KAT14: variants seen among roughly 807,000 people sequenced by gnomAD.
KAT14 encodes lysine acetyltransferase 14.
In KAT14, 66 loss-of-function variants were observed where a neutral mutation model predicts 78.4. That is an observed-to-expected ratio of 0.84 (90% confidence interval 0.69 to 1.03). KAT14 has a LOEUF of 1.03. Ranked by LOEUF, KAT14 falls within the 50% of genes least tolerant of loss-of-function variation. The probability of loss-of-function intolerance (pLI) is 0.00; values close to 1 mark genes in which losing one functional copy is unlikely to be tolerated. For missense variants in KAT14, 870 were observed against 972.5 expected (o/e 0.89, Z 1.40); for synonymous variants, 344 against 359.4 (o/e 0.96, Z 0.48).
intron 3 of KAT14, among the ~76,000 whole-genome samples, chr20:18,147,243 GAA>G (rs1243236443): frequency 6.6e-6 from 1 of 152,092 alleles, no homozygotes; most frequent in Non-Finnish European, 1.5e-5. Context: ...TGACTTGCCT[GAA>G]AAAAATGTAA....
chr20:18,156,821 G>A (rs895140467), intron 4 of KAT14, among the ~76,000 whole-genome samples: 1 of 152,144 alleles, frequency 6.6e-6, no homozygotes, highest in Non-Finnish European at 1.5e-5. Context: ...AGTCATATTG[G>A]ATTAGTGTTC....
chr20:18,152,686 C>T (rs552227797), intron 4 of KAT14, among the ~76,000 whole-genome samples: 4 of 152,218 alleles, frequency 2.6e-5, no homozygotes, highest in Admixed American at 2.0e-4. Flanking sequence ...TTAGGTTGCC[C>T]TTAGTTAATA....
intron 7 of KAT14, among the ~76,000 whole-genome samples, chr20:18,177,321 G>A (rs2039084760): frequency 6.6e-6 from 1 of 152,162 alleles, no homozygotes. Flanking sequence ...GACTCCAAGA[G>A]GGAGAAAGTG....
rs535415668 is a variant in KAT14, at chr20:18,167,920, T to C, written c.1668+4975T>C. Among the ~76,000 whole-genome samples the C allele has an allele frequency of 4.6e-5, 7 of 152,300 alleles. No individual in the cohort carries two copies. In the South Asian group the frequency reaches 1.2e-3, roughly 27 times the overall value. On this transcript the variant is annotated intron_variant, in intron 7 of 10. Transcript: ENST00000688188. ...AAAAAAGTACATTTTCATGCACTTA[T>C]CTCTTTTTTTCTTTTGTATTGCTTA...
In KAT14 at chr20:18,162,448, G is replaced by A. The variant is rs371116433; in HGVS notation, c.1171G>A (p.Val391Ile). The A allele has an allele frequency of 2.9e-5, 47 of 1,614,176 alleles. No individual in the cohort carries two copies. In the African/African-American group the frequency reaches 4.8e-4, roughly 16 times the overall value. Residue 391 changes from valine (V) to isoleucine (I), a missense_variant, in exon 7 of 11, where the codon GTA becomes ATA. Physicochemically the swap from Val to Ile is conservative, Grantham distance 29. Coordinates refer to ENST00000688188, the MANE Select transcript of KAT14 (RefSeq NM_001392073.1). ...MEYVPPPAGS[V>I]ASGPVVGVRK... is the part of the protein sequence containing the mutation. The stretch of plus-strand genomic sequence containing the variant: ...GTACGTCCCACCCCCTGCTGGGTCA[G>A]TAGCTTCTGGGCCAGTGGTTGGGGT...
Position 18,184,673 on chromosome 20 carries a change from G to C in KAT14, c.2053G>C (p.Ala685Pro). Residue 685 changes from alanine (A) to proline (P), a missense_variant, in exon 10 of 11, where the codon GCC becomes CCC. Coordinates refer to ENST00000688188, the MANE Select transcript of KAT14 (RefSeq NM_001392073.1). ...TGTTCTTTATAAAAAAGTCATCATTGCCTTTGGCTTCATGGTTCCTGATGT... is the reference window on the plus strand; with the variant it reads ...TGTTCTTTATAAAAAAGTCATCATTCCCTTTGGCTTCATGGTTCCTGATGT... ...VVVLYKKVIIAFGFMVPDVKY... is the reference protein window; with the variant it reads ...VVVLYKKVIIPFGFMVPDVKY... 6.2e-7 allele frequency: 1 copy of C among 1,613,822 alleles called. No individual in the cohort carries two copies. Among genetic ancestry groups the C allele is most frequent in the Non-Finnish European group, 8.5e-7 (1 of 1,179,920 alleles).
At chr20:18,179,952 T>C (rs1173467555) in intron 7 of KAT14, among the ~76,000 whole-genome samples, 1 of 152,028 alleles carries the variant, frequency 6.6e-6, no homozygotes, top group Non-Finnish European at 1.5e-5. Flanking sequence ...CACTACAACC[T>C]CTACCTCCCA....
At position 18,162,391 on chromosome 20, in the gene KAT14, G is replaced by A; in HGVS notation, c.1114G>A (p.Glu372Lys). 16 of 1,612,320 alleles carry A rather than the reference G, an allele frequency of 9.9e-6. No homozygotes were observed. Among genetic ancestry groups the A allele is most frequent in the Non-Finnish European group, 1.2e-5 (14 of 1,179,298 alleles). ...ACTCTGCACAGATGACGATGAGATG[G>A]AAGGCGATGGAGTCATAGACCCAGG... ...QALFHDDDEM[E>K]GDGVIDPGME... is the part of the protein sequence containing the mutation. The change falls in exon 7 of 11, where the codon GAA (glutamate) becomes AAA (lysine). Residue 372 changes from glutamate to lysine, a missense_variant. Physicochemically the swap from Glu to Lys is moderately conservative, Grantham distance 56. Transcript: ENST00000688188.
At chr20:18,143,699 C>T (rs556491071) in intron 2 of KAT14, among the ~76,000 whole-genome samples, 117 of 146,702 alleles carry the variant, frequency 8.0e-4, no homozygotes, top group Non-Finnish European at 1.2e-3. Flanking sequence ...ATGATCTTGG[C>T]TCACTGCAAC....
At chr20:18,157,927 T>C (rs1038459892) in intron 4 of KAT14, among the ~76,000 whole-genome samples, 2 of 152,172 alleles carry the variant, frequency 1.3e-5, no homozygotes, top group Non-Finnish European at 2.9e-5. Flanking sequence ...GGGGTTTCAT[T>C]CTCTCCATCT....
At chr20:18,149,344 G>A (rs1241745511) in intron 3 of KAT14, among the ~76,000 whole-genome samples, 5 of 152,094 alleles carry the variant, frequency 3.3e-5, no homozygotes, top group African/African-American at 9.7e-5. Context: ...ATGAAACTCC[G>A]TGCCCATTAA....
chr20:18,137,765 T>C (rs530956380), upstream of KAT14: 3 of 520,310 alleles, frequency 5.8e-6, no homozygotes, highest in South Asian at 1.2e-4. Context: ...CAAGAGTTCG[T>C]AGAGCCTGGG....
At chr20:18,138,382 T>A in intron 1 of KAT14, 1 of 1,052,408 alleles carries the variant, frequency 9.5e-7, no homozygotes, top group Non-Finnish European at 1.1e-6. Flanking sequence ...TGTTTTCAAG[T>A]CACAGCCGGC....
chr20:18,166,615 G>A (rs2038650223), intron 7 of KAT14, among the ~76,000 whole-genome samples: 1 of 152,228 alleles, frequency 6.6e-6, no homozygotes, highest in Non-Finnish European at 1.5e-5. Context: ...CACTATGTCT[G>A]CCCCTTGGGT....
intron 1 of KAT14, among the ~76,000 whole-genome samples, chr20:18,142,005 G>A (rs1052959876): frequency 1.3e-5 from 2 of 151,908 alleles, no homozygotes; most frequent in African/African-American, 4.8e-5. Context: ...AATCATTTCA[G>A]TAATAACATT....
Position 18,183,229 on chromosome 20 carries a change from G to A in KAT14, c.1912G>A (p.Asp638Asn), listed in dbSNP as rs775345165. The A allele has an allele frequency of 8.1e-6, 13 of 1,614,076 alleles. No homozygotes were observed. Among genetic ancestry groups the A allele is most frequent in the East Asian group, 2.2e-5 (1 of 44,880 alleles). ...HWTPEPDAPL[D>N]YCYVRPNHIP... The stretch of plus-strand genomic sequence containing the variant: ...GACGCCGGAGCCCGACGCACCTCTC[G>A]ATTACTGTTATGTGCGGCCAAATCA... Residue 638 changes from aspartate (D) to asparagine (N), a missense_variant, in exon 9 of 11, where the codon GAT becomes AAT. Transcript: ENST00000688188.
intron 10 of KAT14, among the ~76,000 whole-genome samples, chr20:18,185,776 T>A (rs2039430255): frequency 1.3e-5 from 2 of 152,214 alleles, no homozygotes. Context: ...GAGATGAAGA[T>A]GATAAAAGTT....
At chr20:18,159,950 G>C (rs1194875721) in intron 5 of KAT14, among the ~76,000 whole-genome samples, 1 of 152,196 alleles carries the variant, frequency 6.6e-6, no homozygotes, top group East Asian at 1.9e-4. Context: ...GTCTCGCTTT[G>C]TTGCCCAGGC....
chr20:18,165,452 G>A (rs777977688), intron 7 of KAT14, among the ~76,000 whole-genome samples: 28 of 152,090 alleles, frequency 1.8e-4, no homozygotes, highest in Non-Finnish European at 3.5e-4. Context: ...AAGGATTGCC[G>A]GCAGCACCAG....
Sources: gnomAD v4.1 joint callset for allele counts (sites outside exome capture counted in the v4.1 genomes callset) on GRCh38, gnomAD v4.1.1 for gene constraint, MANE v1.5 for transcripts, NCBI Gene and HGNC (gene_info 2026-07-23, HGNC 2026-07-21) for gene names.